SVIL: variants seen among roughly 807,000 people sequenced by gnomAD.
The protein encoded by SVIL is archvillin.
In SVIL, 101 loss-of-function variants were observed where a neutral mutation model predicts 240.4. That is an observed-to-expected ratio of 0.42 (90% CI 0.36 to 0.50). The LOEUF is 0.50. Ranked by LOEUF, SVIL falls within the 20% of genes least tolerant of loss-of-function variation. The probability of loss-of-function intolerance (pLI) is 0.01; values close to 1 mark genes in which losing one functional copy is unlikely to be tolerated. For missense variants in SVIL, 2,512 were observed against 2,818.7 expected (o/e 0.89, Z 2.46); for synonymous variants, 999 against 1,100.0 (o/e 0.91, Z 1.82).
chr10:29,725,838 C>G (rs564811166), intron 1 of SVIL, among the ~76,000 whole-genome samples: 95 of 152,286 alleles, frequency 6.2e-4, no homozygotes, highest in Non-Finnish European at 1.2e-3. Context: ...ACTGAGGAAC[C>G]GTCTAGACTA....
intron 1 of SVIL, among the ~76,000 whole-genome samples, chr10:29,626,790 G>A (rs1242681384): frequency 6.6e-6 from 1 of 152,068 alleles, no homozygotes; most frequent in Non-Finnish European, 1.5e-5. Context: ...GTTGGGAAGC[G>A]GAGGCGGGTG....
In SVIL at chr10:29,607,129, CT is replaced by C. The variant is rs1453299241; in HGVS notation, c.-201+27290del. ...GTGGGGCATGATTTATTCATTCTTC[CT>C]TATGGTTACCCAGTTGCCATTATGT... On this transcript the variant is annotated intron_variant, in intron 1 of 37. Transcript: ENST00000355867. Among the ~76,000 whole-genome samples the C allele has an allele frequency of 3.3e-5, 5 of 152,158 alleles. No individual in the cohort carries two copies. In the East Asian group the frequency reaches 9.6e-4, roughly 29 times the overall value.
intron 2 of SVIL, among the ~76,000 whole-genome samples, chr10:29,662,167 C>T (rs1959169289): frequency 6.6e-6 from 1 of 152,176 alleles, no homozygotes; most frequent in African/African-American, 2.4e-5. Context: ...AGCAAGGAAA[C>T]CTGGTTCTTC....
intron 1 of SVIL, among the ~76,000 whole-genome samples, chr10:29,577,168 C>T (rs900073443): frequency 7.2e-5 from 11 of 151,944 alleles, no homozygotes; most frequent in Non-Finnish European, 1.2e-4. Flanking sequence ...TGTGAGCCAC[C>T]GCACCTGACT....
chr10:29,585,332 TATTAC>T (rs1956121811), intron 1 of SVIL, among the ~76,000 whole-genome samples: 1 of 151,952 alleles, frequency 6.6e-6, no homozygotes, highest in African/African-American at 2.4e-5. Context: ...AAAGTGCAGA[TATTAC>T]AGGAGTGTGT....
chr10:29,709,481 C>T (rs1963129221), intron 1 of SVIL, among the ~76,000 whole-genome samples: 2 of 152,208 alleles, frequency 1.3e-5, no homozygotes, highest in African/African-American at 2.4e-5. Flanking sequence ...TCTTTGCCTT[C>T]CTTTGAATTA....
intron 32 of SVIL, among the ~76,000 whole-genome samples, chr10:29,468,636 AC>A (rs1452637718): frequency 6.8e-6 from 1 of 147,694 alleles, no homozygotes; most frequent in African/African-American, 2.7e-5. Flanking sequence ...ATATATATAT[AC>A]ATATATATAT....
At chr10:29,733,892 G>C (rs1418410184) in intron 1 of SVIL, among the ~76,000 whole-genome samples, 1 of 152,242 alleles carries the variant, frequency 6.6e-6, no homozygotes, top group African/African-American at 2.4e-5. Context: ...TTGTATAAAA[G>C]TTGTGGATAC....
In SVIL at chr10:29,526,059, G is replaced by A. The variant is rs74392081; in HGVS notation, c.2342+902C>T. 1.5e-3 allele frequency among the ~76,000 whole-genome samples: 233 copies of A among 152,242 alleles called. 3 individuals are homozygous for A. The East Asian group carries it at 0.042, about 27-fold the overall frequency. ...AATGAAGGGATATGACCTGATGTGAGGACATAATTTTAAAGCACCACAATC... is the reference window on the plus strand; with the variant it reads ...AATGAAGGGATATGACCTGATGTGAAGACATAATTTTAAAGCACCACAATC... On this transcript the variant is annotated intron_variant, in intron 13 of 37. Coordinates refer to ENST00000355867, the MANE Select transcript of SVIL (RefSeq NM_021738.3).
chr10:29,529,304 G>T lies in SVIL; in HGVS notation c.2246+401C>A, dbSNP rs905747327. Among the ~76,000 whole-genome samples, 3 of 151,710 alleles carry T rather than the reference G, an allele frequency of 2.0e-5. No individual in the cohort carries two copies. The South Asian group carries it at 6.2e-4, about 32-fold the overall frequency. ...TATGGATGAAATGGTAAGACCTCTA[G>T]TGTTTGCTTGAAAATAGCACAGGAG... On this transcript the variant is annotated intron_variant, in intron 12 of 37. Transcript: ENST00000355867.
intron 6 of SVIL, among the ~76,000 whole-genome samples, chr10:29,544,055 A>G (rs1952408218): frequency 6.6e-6 from 1 of 152,172 alleles, no homozygotes; most frequent in African/African-American, 2.4e-5. Context: ...TTGTATCCCT[A>G]AGTATATAAT....
At chr10:29,529,175 C>CAAAAAAAAAAAAAAAAAAAAAA (rs66523560) in intron 12 of SVIL, among the ~76,000 whole-genome samples, 1 of 66,072 alleles carries the variant, frequency 1.5e-5, no homozygotes, top group Non-Finnish European at 2.8e-5. Context: ...GACTCTCTCT[C>CAAAAAAAAAAAAAAAAAAAAAA]AAAAAAAAAA....
chr10:29,693,909 A>C (rs1211357814), intron 1 of SVIL, among the ~76,000 whole-genome samples: 1 of 152,126 alleles, frequency 6.6e-6, no homozygotes, highest in Non-Finnish European at 1.5e-5. Context: ...GGCCTAAGAC[A>C]TAGTTATTGA....
chr10:29,642,538 T>G (rs557876950), intron 3 of SVIL, among the ~76,000 whole-genome samples: 34 of 152,236 alleles, frequency 2.2e-4, no homozygotes, highest in South Asian at 6.2e-4. Flanking sequence ...AGACATGGTC[T>G]CTGATTCCCA....
intron 21 of SVIL, among the ~76,000 whole-genome samples, chr10:29,491,315 C>G (rs1325489110): frequency 7.0e-6 from 1 of 141,902 alleles, no homozygotes; most frequent in African/African-American, 2.9e-5. Flanking sequence ...CTAGACAGCT[C>G]TAGGGTTTAG....
chr10:29,636,406 T>C (rs1176277250), upstream of SVIL, among the ~76,000 whole-genome samples: 6 of 152,178 alleles, frequency 3.9e-5, no homozygotes, highest in Non-Finnish European at 8.8e-5. Context: ...AATAGTGCTA[T>C]TTCCTTCCTA....
At chr10:29,566,766 G>A (rs34841513) in intron 2 of SVIL, among the ~76,000 whole-genome samples, 10,036 of 152,104 alleles carry the variant, frequency 0.066, 387 homozygotes, top group Admixed American at 0.12. Context: ...AGACTGGTAG[G>A]GCCCATTACT....
chr10:29,533,604 A>G, intron 7 of SVIL, 146 bp from the exon 8 acceptor site: 5 of 1,373,924 alleles, frequency 3.6e-6, no homozygotes, highest in Admixed American at 2.8e-5. Context: ...TCTAATGTCA[A>G]CTACTTGTCA....
intron 1 of SVIL, among the ~76,000 whole-genome samples, chr10:29,730,287 C>A (rs1475197617): frequency 6.6e-6 from 1 of 152,152 alleles, no homozygotes; most frequent in Non-Finnish European, 1.5e-5. Flanking sequence ...GGTGAAAAAC[C>A]CAGTGAGGAT....
Sources: allele counts gnomAD v4.1 joint callset (sites outside exome capture counted in the v4.1 genomes callset), GRCh38; gene constraint gnomAD v4.1.1; transcripts MANE v1.5; gene names NCBI Gene and HGNC (gene_info 2026-07-23, HGNC 2026-07-21).